Variants in GALNTL6 observed in about 807,000 individuals in gnomAD.
GALNTL6 encodes the protein polypeptide N-acetylgalactosaminyltransferase-like 6.
Under a neutral mutation model 73.7 loss-of-function variants are expected in GALNTL6, and 46 were observed. The observed-to-expected ratio is 0.62, with a 90% CI of 0.49 to 0.80. The LOEUF is 0.80. GALNTL6 is among the 30% of genes least tolerant of loss of function. The pLI is 0.00. For synonymous variants in GALNTL6, 259 were observed against 263.7 expected (o/e 0.98, Z 0.17); for missense variants, 604 against 755.0 (o/e 0.80, Z 2.34).
chr4:173,007,166 C>T (rs965230332), intron 10 of GALNTL6, among the ~76,000 whole-genome samples: 5 of 152,114 alleles, frequency 3.3e-5, no homozygotes, highest in East Asian at 1.9e-4. Context: ...CATGATACTC[C>T]GTATATTTCA....
At chr4:172,134,527 G>T (rs1249133540) in intron 2 of GALNTL6, among the ~76,000 whole-genome samples, 3 of 152,120 alleles carry the variant, frequency 2.0e-5, no homozygotes, top group East Asian at 3.9e-4. Flanking sequence ...TAAACAACTG[G>T]GTAGAAGAGG....
At chr4:172,459,265 C>T (rs190270971) in intron 5 of GALNTL6, among the ~76,000 whole-genome samples, 55 of 152,142 alleles carry the variant, frequency 3.6e-4, no homozygotes, top group Non-Finnish European at 3.1e-4. Flanking sequence ...TCATACTGAA[C>T]GGGCAAAAGC....
intron 4 of GALNTL6, among the ~76,000 whole-genome samples, chr4:172,326,557 G>T (rs1308767259): frequency 6.6e-6 from 1 of 151,884 alleles, no homozygotes; most frequent in African/African-American, 2.4e-5. Flanking sequence ...CATATCTTCT[G>T]TACATTTACT....
At chr4:172,532,592 A>AT (rs1488194595) in intron 5 of GALNTL6, among the ~76,000 whole-genome samples, 1 of 152,180 alleles carries the variant, frequency 6.6e-6, no homozygotes, top group African/African-American at 2.4e-5. Flanking sequence ...ATAATCATGT[A>AT]TTTTTGGTTT....
intron 2 of GALNTL6, among the ~76,000 whole-genome samples, chr4:172,046,937 T>C (rs562422303): frequency 6.6e-6 from 1 of 152,270 alleles, no homozygotes; most frequent in African/African-American, 2.4e-5. Flanking sequence ...GTGTTATGTA[T>C]TTACTTTGTC....
intron 5 of GALNTL6, among the ~76,000 whole-genome samples, chr4:172,578,904 G>A (rs1237578804): frequency 6.6e-6 from 1 of 152,134 alleles, no homozygotes; most frequent in East Asian, 1.9e-4. Flanking sequence ...TTTGCAACAT[G>A]GTGAGTAAAG....
intron 2 of GALNTL6, among the ~76,000 whole-genome samples, chr4:171,919,012 A>G (rs1296029829): frequency 6.6e-6 from 1 of 152,104 alleles, no homozygotes; most frequent in Non-Finnish European, 1.5e-5. Context: ...TACTGTACTA[A>G]TCAAAGGCCA....
chr4:171,995,775 C>T (rs921703181), intron 2 of GALNTL6, among the ~76,000 whole-genome samples: 4 of 151,896 alleles, frequency 2.6e-5, no homozygotes, highest in Admixed American at 1.3e-4. Context: ...ACAATAGAAG[C>T]TAAATGATTC....
At chr4:172,767,830 C>A (rs1195186833) in intron 5 of GALNTL6, among the ~76,000 whole-genome samples, 1 of 151,848 alleles carries the variant, frequency 6.6e-6, no homozygotes, top group Non-Finnish European at 1.5e-5. Flanking sequence ...CCACCACGCC[C>A]AGCTAATTTT....
At chr4:172,191,288 G>A (rs770335273) in intron 2 of GALNTL6, among the ~76,000 whole-genome samples, 9 of 152,132 alleles carry the variant, frequency 5.9e-5, no homozygotes, top group South Asian at 2.1e-4. Context: ...CTCAAAGTCC[G>A]TTGCTGCCCT....
At chr4:172,193,517 C>T (rs188607437) in intron 2 of GALNTL6, among the ~76,000 whole-genome samples, 55 of 151,784 alleles carry the variant, frequency 3.6e-4, no homozygotes, top group Admixed American at 3.5e-3. Context: ...CCCACAAAAA[C>T]CCACCCAAAG....
intron 5 of GALNTL6, among the ~76,000 whole-genome samples, chr4:172,639,148 G>A (rs151023303): frequency 2.9e-3 from 448 of 152,148 alleles, no homozygotes; most frequent in Non-Finnish European, 4.7e-3. Flanking sequence ...GGTAGGGAGG[G>A]AGACTATAAA....
In GALNTL6 at chr4:172,117,149, AT is replaced by A. The variant is rs1463118768; in HGVS notation, c.139-112506del. ...AATTCATGAGAGCAAAAACAACGTA[AT>A]AAACTATCACACCAACGTAATTCTA... On this transcript the variant is annotated intron_variant, in intron 2 of 12. Transcript: ENST00000506823. Among the ~76,000 whole-genome samples the A allele has an allele frequency of 2.0e-5, 3 of 152,214 alleles. No homozygotes were observed. In the East Asian group the frequency reaches 5.8e-4, roughly 29 times the overall value.
chr4:172,740,546 A>C (rs1736736493), intron 5 of GALNTL6, among the ~76,000 whole-genome samples: 1 of 152,142 alleles, frequency 6.6e-6, no homozygotes, highest in Admixed American at 6.5e-5. Flanking sequence ...GAGGGGAAAA[A>C]TTTGAGTCAC....
At chr4:172,179,019 T>C (rs1252209519) in intron 2 of GALNTL6, among the ~76,000 whole-genome samples, 4 of 136,244 alleles carry the variant, frequency 2.9e-5, no homozygotes, top group Non-Finnish European at 6.2e-5. Context: ...TATTCCATGG[T>C]GTATATGTGC....
At chr4:172,577,242 G>C (rs1312943199) in intron 5 of GALNTL6, among the ~76,000 whole-genome samples, 2 of 152,170 alleles carry the variant, frequency 1.3e-5, no homozygotes, top group East Asian at 1.9e-4. Context: ...TGTTGAGTGG[G>C]TGACTTTCAC....
chr4:172,046,494 T>C (rs145900004), intron 2 of GALNTL6, among the ~76,000 whole-genome samples: 1 of 152,268 alleles, frequency 6.6e-6, no homozygotes, highest in Non-Finnish European at 1.5e-5. Context: ...ACTAGTTGTA[T>C]ACAAGTGTTC....
intron 2 of GALNTL6, among the ~76,000 whole-genome samples, chr4:171,907,883 A>C (rs1737344836): frequency 6.6e-6 from 1 of 152,066 alleles, no homozygotes; most frequent in Non-Finnish European, 1.5e-5. Flanking sequence ...TGAGAAAAAC[A>C]AGCAATGGGA....
chr4:173,003,502 A>G (rs536239239), intron 10 of GALNTL6, among the ~76,000 whole-genome samples: 34 of 152,344 alleles, frequency 2.2e-4, no homozygotes, highest in Middle Eastern at 3.4e-3. Context: ...ACCATCACAG[A>G]CAATTCAGCC....
Sources: allele counts gnomAD v4.1 joint callset (sites outside exome capture counted in the v4.1 genomes callset), GRCh38; gene constraint gnomAD v4.1.1; transcripts MANE v1.5; gene names NCBI Gene and HGNC (gene_info 2026-07-23, HGNC 2026-07-21).